Variants in SLC4A4 observed in about 807,000 individuals in gnomAD.
SLC4A4 encodes the protein solute carrier family 4 member 4.
A neutral mutation model predicts 111.5 loss-of-function variants in SLC4A4; 27 were observed. The ratio of observed to expected loss-of-function variants is 0.24; its 90% CI spans 0.18 to 0.33. The LOEUF is 0.33. SLC4A4 is among the 10% of genes least tolerant of loss of function. The probability of loss-of-function intolerance (pLI) is 1.00; values close to 1 mark genes in which losing one functional copy is unlikely to be tolerated. For synonymous variants in SLC4A4, 443 were observed against 463.4 expected, an observed-to-expected ratio of 0.96 and a Z score of 0.57; for missense variants, 909 against 1,315.5, an observed-to-expected ratio of 0.69 and a Z score of 4.78.
intron 1 of SLC4A4, among the ~76,000 whole-genome samples, chr4:71,071,262 C>T (rs896888138): frequency 2.2e-5 from 2 of 90,394 alleles, no homozygotes; most frequent in South Asian, 3.9e-4. Context: ...AGAGTGAGAC[C>T]GTCTTAAAAA....
chr4:71,553,294 T>G (rs1170704288), intron 20 of SLC4A4, among the ~76,000 whole-genome samples: 5 of 151,862 alleles, frequency 3.3e-5, no homozygotes, highest in Non-Finnish European at 2.9e-5. Context: ...TTTTATTTTG[T>G]GGTAGATTTG....
intron 7 of SLC4A4, among the ~76,000 whole-genome samples, chr4:71,408,803 T>G (rs1721102867): frequency 1.3e-5 from 2 of 152,200 alleles, no homozygotes; most frequent in Admixed American, 6.5e-5. Flanking sequence ...ATCTAGTACT[T>G]ATTATTTTCA....
At chr4:71,477,482 A>G (rs75384579) in intron 14 of SLC4A4, among the ~76,000 whole-genome samples, 1 of 151,820 alleles carries the variant, frequency 6.6e-6, no homozygotes, top group African/African-American at 2.4e-5. Flanking sequence ...GTGTGCTGTT[A>G]TAGATAAATA....
At chr4:71,181,848 T>C (rs1745304675) in intron 2 of SLC4A4, among the ~76,000 whole-genome samples, 1 of 152,188 alleles carries the variant, frequency 6.6e-6, no homozygotes, top group Non-Finnish European at 1.5e-5. Flanking sequence ...GTCAACTCTA[T>C]CACATCTCTG....
At chr4:71,524,000 G>A (rs1733195761) in intron 16 of SLC4A4, among the ~76,000 whole-genome samples, 1 of 152,006 alleles carries the variant, frequency 6.6e-6, no homozygotes, top group African/African-American at 2.4e-5. Flanking sequence ...CATCCTGCAG[G>A]CATTCTTGAT....
chr4:71,515,953 T>G (rs1269316000), intron 16 of SLC4A4, among the ~76,000 whole-genome samples: 2 of 152,070 alleles, frequency 1.3e-5, no homozygotes, highest in East Asian at 3.9e-4. Flanking sequence ...GAATTTAATC[T>G]GTTAATATTT....
chr4:71,140,611 C>T (rs934093732), intron 2 of SLC4A4, among the ~76,000 whole-genome samples: 1 of 152,264 alleles, frequency 6.6e-6, no homozygotes, highest in Non-Finnish European at 1.5e-5. Context: ...CCACTCACTG[C>T]CCCAGCCTGC....
At chr4:71,329,277 T>C (rs1727760560) in intron 3 of SLC4A4, among the ~76,000 whole-genome samples, 1 of 152,112 alleles carries the variant, frequency 6.6e-6, no homozygotes, top group African/African-American at 2.4e-5. Flanking sequence ...TTGTTCTTTA[T>C]GCTAAGGATG....
Position 71,161,186 on chromosome 4 carries a change from C to T in SLC4A4, c.-2+68394C>T, listed in dbSNP as rs538681645. ...GATAGAGACATTAACCTGAGCCCTT[C>T]CCCACAAAGCAAATAGGCTTCTCAC... On this transcript the variant is annotated intron_variant, in intron 2 of 26. Coordinates refer to the SLC4A4 transcript ENST00000649996. 1.6e-4 allele frequency among the ~76,000 whole-genome samples: 25 copies of T among 152,262 alleles called. No homozygotes were observed. In the South Asian group the frequency reaches 5.0e-3, roughly 30 times the overall value.
intron 2 of SLC4A4, among the ~76,000 whole-genome samples, chr4:71,109,832 C>T (rs1236182488): frequency 6.6e-6 from 1 of 152,058 alleles, no homozygotes; most frequent in African/African-American, 2.4e-5. Context: ...CATGAGCCAC[C>T]ACACCCGGCA....
chr4:71,267,229 G>A (rs567580609), intron 3 of SLC4A4, among the ~76,000 whole-genome samples: 71 of 152,284 alleles, frequency 4.7e-4, no homozygotes, highest in Middle Eastern at 3.4e-3. Flanking sequence ...TGTACTGTTG[G>A]AGTGTGGCCC....
At chr4:71,089,906 A>G (rs1373964800) in intron 1 of SLC4A4, among the ~76,000 whole-genome samples, 1 of 123,600 alleles carries the variant, frequency 8.1e-6, no homozygotes, top group Non-Finnish European at 1.8e-5. Context: ...TGGGAGAACC[A>G]CTACTCTCTT....
upstream of SLC4A4, among the ~76,000 whole-genome samples, chr4:71,185,593 G>A (rs539601745): frequency 5.3e-5 from 8 of 152,298 alleles, no homozygotes; most frequent in African/African-American, 1.2e-4. Context: ...TCAGATTGGC[G>A]TGTTTCCTTG....
intron 14 of SLC4A4, among the ~76,000 whole-genome samples, chr4:71,480,219 C>T (rs73828163): frequency 0.016 from 2,461 of 151,502 alleles, 70 homozygotes; most frequent in African/African-American, 0.055. Flanking sequence ...TCCACAGTAG[C>T]TCAGCTCTTT....
chr4:71,107,208 A>T (rs1252948056), intron 2 of SLC4A4, among the ~76,000 whole-genome samples: 1 of 152,092 alleles, frequency 6.6e-6, no homozygotes, highest in Non-Finnish European at 1.5e-5. Flanking sequence ...TCTTTGGGGA[A>T]TTTAATCCAT....
chr4:71,464,928 A>G (rs927456242), intron 12 of SLC4A4, among the ~76,000 whole-genome samples: 16 of 152,172 alleles, frequency 1.1e-4, no homozygotes, highest in African/African-American at 3.9e-4. Flanking sequence ...CAATTTCTTC[A>G]TAATCATTTT....
At chr4:71,405,694 C>T (rs962742210) in intron 7 of SLC4A4, among the ~76,000 whole-genome samples, 2 of 152,134 alleles carry the variant, frequency 1.3e-5, no homozygotes, top group Non-Finnish European at 2.9e-5. Flanking sequence ...TTGAATCCGC[C>T]TCCACTGCTA....
At chr4:71,503,812 C>A (rs953476667) in intron 16 of SLC4A4, among the ~76,000 whole-genome samples, 2 of 152,072 alleles carry the variant, frequency 1.3e-5, no homozygotes, top group Non-Finnish European at 2.9e-5. Flanking sequence ...TAATAAATAT[C>A]ATCCTTTTGT....
At chr4:71,228,462 A>G (rs981101992) in intron 1 of SLC4A4, among the ~76,000 whole-genome samples, 2 of 152,144 alleles carry the variant, frequency 1.3e-5, no homozygotes, top group Non-Finnish European at 2.9e-5. Context: ...CTTAACTGAA[A>G]CTGGTTGGAT....
Sources: allele counts gnomAD v4.1 joint callset (sites outside exome capture counted in the v4.1 genomes callset), GRCh38; gene constraint gnomAD v4.1.1; transcripts MANE v1.5; gene names NCBI Gene and HGNC (gene_info 2026-07-23, HGNC 2026-07-21).